The following COX7B2 variants were observed in gnomAD, a reference collection of about 807,000 sequenced individuals.
COX7B2 encodes the protein cytochrome c oxidase subunit 7B2, also known as cytochrome c oxidase subunit 7B2, mitochondrial.
For synonymous variants in COX7B2, 37 were observed against 32.1 expected (o/e 1.15, Z -0.51); for missense variants, 109 against 95.9 (o/e 1.14, Z -0.57).
chr4:46,816,800 TAA>T (rs1719581620), intron 2 of COX7B2, among the ~76,000 whole-genome samples: 3 of 152,188 alleles, frequency 2.0e-5, no homozygotes, highest in African/African-American at 7.2e-5. Context: ...AGACTAGAAA[TAA>T]ATCTGTGTTA....
At chr4:46,800,825 C>A (rs943371967) in intron 2 of COX7B2, among the ~76,000 whole-genome samples, 1 of 152,066 alleles carries the variant, frequency 6.6e-6, no homozygotes, top group African/African-American at 2.4e-5. Context: ...AATAAACAGA[C>A]AACTCACAGA....
At chr4:46,867,752 C>T (rs1044448862) in intron 1 of COX7B2, among the ~76,000 whole-genome samples, 9 of 152,118 alleles carry the variant, frequency 5.9e-5, no homozygotes, top group African/African-American at 7.2e-5. Flanking sequence ...TTTAGCTTTT[C>T]GATAGGCTGC....
intron 1 of COX7B2, among the ~76,000 whole-genome samples, chr4:46,887,710 CAAAAAAA>C (rs564556459): frequency 1.4e-4 from 6 of 41,636 alleles, no homozygotes; most frequent in African/African-American, 3.1e-4. Context: ...GACTCCTTCT[CAAAAAAA>C]AAAAAAAAAA....
At chr4:46,755,716 A>G (rs1426451609) in intron 2 of COX7B2, among the ~76,000 whole-genome samples, 1 of 151,958 alleles carries the variant, frequency 6.6e-6, no homozygotes, top group African/African-American at 2.4e-5. Flanking sequence ...CCCATTTAAC[A>G]TGATACAAAA....
intron 2 of COX7B2, among the ~76,000 whole-genome samples, chr4:46,812,594 C>T (rs1254920943): frequency 6.6e-6 from 1 of 151,986 alleles, no homozygotes; most frequent in Admixed American, 6.6e-5. Flanking sequence ...TGATTTAGGC[C>T]CCAGGGGACA....
rs1314659217 is a variant in COX7B2 at position 46,795,574 on chromosome 4, C to T, written c.-50+49386G>A. On this transcript the variant is annotated intron_variant, in intron 2 of 2. Transcript: ENST00000355591. ...ATTGATCTATATCTCTGTTTTTGTA[C>T]CAGTACCATGCTGTTTTGGTTACTG... Among the ~76,000 whole-genome samples the T allele has an allele frequency of 2.1e-4, 29 of 140,364 alleles. 1 individual carries two copies. The highest frequency in any genetic ancestry group is 7.5e-4 in the African/African-American group (26 of 34,558). 92.1% of individuals were successfully genotyped at this position (140,364 alleles called of 152,430 possible). A position where few individuals can be genotyped will look rare whatever the true frequency, so the allele number is the denominator to read the frequency against.
chr4:46,863,894 A>C (rs1407083343), intron 1 of COX7B2, among the ~76,000 whole-genome samples: 1 of 152,176 alleles, frequency 6.6e-6, no homozygotes, highest in East Asian at 1.9e-4. Flanking sequence ...TTAAGGGCTA[A>C]TGAGTGTTGA....
intron 2 of COX7B2, among the ~76,000 whole-genome samples, chr4:46,743,349 TAA>T (rs557046801): frequency 1.1e-4 from 17 of 152,308 alleles, no homozygotes; most frequent in African/African-American, 4.1e-4. Flanking sequence ...CACAGGTATC[TAA>T]AAAGGACAAA....
chr4:46,871,240 G>A (rs1717971243), intron 1 of COX7B2, among the ~76,000 whole-genome samples: 1 of 152,078 alleles, frequency 6.6e-6, no homozygotes, highest in African/African-American at 2.4e-5. Flanking sequence ...CAAGCAACAG[G>A]GAAATGCTCT....
In COX7B2 at chr4:46,802,807, C is replaced by T. The variant is rs186412773; in HGVS notation, c.-50+42153G>A. 4.6e-5 allele frequency among the ~76,000 whole-genome samples: 7 copies of T among 152,196 alleles called. No homozygotes were observed. The East Asian group carries it at 1.4e-3, about 29-fold the overall frequency. The stretch of plus-strand genomic sequence containing the variant: ...ATGTGGAACTTGCTTAAATTATCCC[C>T]ACAACTATCTGTAATGAAGTTACTG... On this transcript the variant is annotated intron_variant, in intron 2 of 2. Coordinates refer to ENST00000355591, the MANE Select transcript of COX7B2 (RefSeq NM_130902.3).
intron 2 of COX7B2, among the ~76,000 whole-genome samples, chr4:46,791,393 G>A (rs908199396): frequency 6.6e-6 from 1 of 152,074 alleles, no homozygotes; most frequent in African/African-American, 2.4e-5. Context: ...ATATTATTTT[G>A]AACAAAAGTG....
chr4:46,830,425 T>C (rs1026805872), intron 2 of COX7B2, among the ~76,000 whole-genome samples: 2 of 151,556 alleles, frequency 1.3e-5, no homozygotes, highest in East Asian at 3.9e-4. Flanking sequence ...TTATACTCCA[T>C]TGAGGAAAAT....
intron 2 of COX7B2, among the ~76,000 whole-genome samples, chr4:46,810,460 T>G (rs1470854623): frequency 6.6e-6 from 1 of 152,074 alleles, no homozygotes; most frequent in African/African-American, 2.4e-5. Context: ...TTTGTGTATG[T>G]GGTCACCATG....
At chr4:46,826,501 C>T (rs114212226) in intron 2 of COX7B2, among the ~76,000 whole-genome samples, 1 of 151,808 alleles carries the variant, frequency 6.6e-6, no homozygotes, top group African/African-American at 2.4e-5. Context: ...CCATTCGACC[C>T]AACAATTCCA....
At chr4:46,860,088 C>G (rs964185568) in intron 1 of COX7B2, among the ~76,000 whole-genome samples, 2 of 152,120 alleles carry the variant, frequency 1.3e-5, no homozygotes, top group Non-Finnish European at 2.9e-5. Flanking sequence ...CTTCTGGTGC[C>G]CAGCATGTGG....
chr4:46,777,237 G>A lies in COX7B2; in HGVS notation c.-49-41996C>T, dbSNP rs546665781. Among the ~76,000 whole-genome samples the A allele has an allele frequency of 5.3e-5, 8 of 152,248 alleles. No homozygotes were observed. The East Asian group carries it at 1.3e-3, about 26-fold the overall frequency. On this transcript the variant is annotated intron_variant, in intron 2 of 2. Transcript: ENST00000355591. ...AAAAATTCCATGAGATAAAAGGGGA[G>A]TAAAGGCCTGAATGAAATGCTTTTA...
rs558971890 is a variant in COX7B2 at position 46,753,970 on chromosome 4, G to C, written c.-49-18729C>G. ...AACAGACACATGAAAAAATGCTCAT[G>C]ATCACTGGCCATCAGAGAAAGGCAA... On this transcript the variant is annotated intron_variant, in intron 2 of 2. Coordinates refer to ENST00000355591, the MANE Select transcript of COX7B2 (RefSeq NM_130902.3). Among the ~76,000 whole-genome samples, 1,052 of 152,164 alleles carry C rather than the reference G, an allele frequency of 6.9e-3. 11 individuals are homozygous for C. The highest frequency in any genetic ancestry group is 0.024 in the African/African-American group (999 of 41,540).
intron 2 of COX7B2, among the ~76,000 whole-genome samples, chr4:46,798,706 A>C (rs552048282): frequency 6.6e-6 from 1 of 152,262 alleles, no homozygotes; most frequent in African/African-American, 2.4e-5. Flanking sequence ...GCCCTTCATA[A>C]ACTGGGTGTT....
intron 2 of COX7B2, among the ~76,000 whole-genome samples, chr4:46,746,976 A>G (rs1288564048): frequency 6.6e-6 from 1 of 152,316 alleles, no homozygotes; most frequent in Non-Finnish European, 1.5e-5. Flanking sequence ...TAAGGTTTCA[A>G]TGTGCAAAAA....
Sources: gnomAD v4.1 joint callset for allele counts (sites outside exome capture counted in the v4.1 genomes callset) on GRCh38, gnomAD v4.1.1 for gene constraint, MANE v1.5 for transcripts, NCBI Gene and HGNC (gene_info 2026-07-23, HGNC 2026-07-21) for gene names.